MCM6: variants seen among roughly 807,000 people sequenced by gnomAD.
The protein encoded by MCM6 is DNA replication licensing factor MCM6.
A neutral mutation model predicts 94.3 loss-of-function variants in MCM6; 46 were observed. The observed-to-expected ratio is 0.49, with a 90% CI of 0.39 to 0.62. The LOEUF (loss-of-function observed/expected upper bound fraction) is 0.62, where lower values mean the gene tolerates loss of function less well. Among genes scored for constraint, MCM6 ranks in the 20% least tolerant of loss-of-function variants. The probability of loss-of-function intolerance (pLI) is 0.00; values close to 1 mark genes in which losing one functional copy is unlikely to be tolerated. For synonymous variants in MCM6, 335 were observed against 351.9 expected (o/e 0.95, Z 0.54); for missense variants, 865 against 1,017.9 (o/e 0.85, Z 2.04).
intron 3 of MCM6, among the ~76,000 whole-genome samples, 168 bp from the exon 4 acceptor site, chr2:135,869,028 C>T (rs2105590964): frequency 6.6e-6 from 1 of 152,098 alleles, no homozygotes; most frequent in South Asian, 2.1e-4. Context: ...GTGCCCAATC[C>T]TAAATTATAT....
chr2:135,876,237 C>G, intron 1 of MCM6, 22 bp downstream of exon 1: 3 of 1,566,734 alleles, frequency 1.9e-6, no homozygotes, highest in South Asian at 1.2e-5. Context: ...GCGGGCGAGG[C>G]CCGGGGCGCT....
chr2:135,843,229 G>A (rs1679606197), intron 16 of MCM6, among the ~76,000 whole-genome samples: 1 of 152,174 alleles, frequency 6.6e-6, no homozygotes, highest in South Asian at 2.1e-4. Context: ...ACTGCAAACA[G>A]GGAAGAACAA....
chr2:135,853,733 G>GA (rs55820219), intron 11 of MCM6, among the ~76,000 whole-genome samples: 67,811 of 147,692 alleles, frequency 0.46, 18,187 homozygotes, highest in Middle Eastern at 0.76. Flanking sequence ...CAGAATACTG[G>GA]AAAAAAAAAA....
intron 13 of MCM6, among the ~76,000 whole-genome samples, chr2:135,849,074 C>T (rs540082255): frequency 1.1e-4 from 17 of 152,280 alleles, no homozygotes; most frequent in African/African-American, 2.6e-4. Context: ...GGAAAGATAA[C>T]GGTATTTGTG....
chr2:135,840,723 T>C lies in MCM6; in HGVS notation c.*112A>G, dbSNP rs1488009844. ...AATTCTTGTTTCTGAAAACAAATCC[T>C]GGAAGCATCACTTCCAGAAACACTT... On this transcript the variant is annotated 3_prime_UTR_variant, in exon 17 of 17. Coordinates refer to ENST00000264156, the MANE Select transcript of MCM6 (RefSeq NM_005915.6). 5.7e-6 allele frequency: 4 copies of C among 706,192 alleles called. No individual in the cohort carries two copies. Among genetic ancestry groups the C allele is most frequent in the Non-Finnish European group, 9.9e-6 (4 of 402,726 alleles). The allele number at this position is 706,192 out of a possible 1,614,324, so 43.7% of individuals were successfully genotyped here. A position where few individuals can be genotyped will look rare whatever the true frequency, so the allele number is the denominator to read the frequency against.
At chr2:135,876,090 C>T (rs549383979) in intron 1 of MCM6, among the ~76,000 whole-genome samples, 169 bp downstream of exon 1, 3 of 152,322 alleles carry the variant, frequency 2.0e-5, no homozygotes, top group South Asian at 2.1e-4. Flanking sequence ...CTGTCCCAGG[C>T]TCCTCGCGGC....
chr2:135,866,356 C>A, intron 5 of MCM6, 79 bp from the exon 6 acceptor site: 2 of 1,543,170 alleles, frequency 1.3e-6, no homozygotes, highest in Non-Finnish European at 1.8e-6. Flanking sequence ...TAAATGAAAG[C>A]TATAAATCCA....
At chr2:135,845,369 G>A (rs1558753816) in intron 15 of MCM6, among the ~76,000 whole-genome samples, 1 of 152,166 alleles carries the variant, frequency 6.6e-6, no homozygotes, top group Non-Finnish European at 1.5e-5. Context: ...GGGAGAAAGA[G>A]AATAATGACA....
chr2:135,872,887 A>T, intron 1 of MCM6, 44 bp from the exon 2 acceptor site: 1 of 1,602,840 alleles, frequency 6.2e-7, no homozygotes, highest in Non-Finnish European at 8.5e-7. Flanking sequence ...CACAGGCAGT[A>T]CAAAGAACCT....
rs4988157 is a variant in MCM6 at position 135,872,452 on chromosome 2, AAAAC to A, written c.254+241_254+244del. 8.4e-3 allele frequency among the ~76,000 whole-genome samples: 1,280 copies of A among 151,596 alleles called. 7 individuals are homozygous for A. Among genetic ancestry groups the A allele is most frequent in the South Asian group, 0.022 (107 of 4,796 alleles). ...GTGACAGAGCAAGACTCCGTCTCAA[AAAAC>A]AAACAAACAAACAAACAAACAAAAC... On this transcript the variant is annotated intron_variant, in intron 2 of 16. Transcript: ENST00000264156.
At chr2:135,863,723 T>TAACAAAACAAAACAAAACAAAACAA (rs55711144) in intron 7 of MCM6, among the ~76,000 whole-genome samples, 63 of 147,154 alleles carry the variant, frequency 4.3e-4, no homozygotes, top group South Asian at 3.7e-3. Context: ...AGTAAGACCC[T>TAACAAAACAAAACAAAACAAAACAA]AACAAAACAA....
Position 135,858,072 on chromosome 2 carries a change from C to A in MCM6, c.1363-68G>T, listed in dbSNP as rs1189836801. ...TGGATGCATGGCTCACACTTGTAATCCCAGCACTTTGGGAGGCCAAGGCAG... is the reference window on the plus strand; with the variant it reads ...TGGATGCATGGCTCACACTTGTAATACCAGCACTTTGGGAGGCCAAGGCAG... On this transcript the variant is annotated intron_variant, in intron 9 of 16. Transcript: ENST00000264156. 23 of 1,445,446 alleles carry A rather than the reference C, an allele frequency of 1.6e-5. No individual in the cohort carries two copies. The East Asian group carries it at 4.3e-4, about 27-fold the overall frequency. 89.5% of individuals were successfully genotyped at this position (1,445,446 alleles called of 1,614,324 possible). A position where few individuals can be genotyped will look rare whatever the true frequency, so the allele number is the denominator to read the frequency against.
intron 16 of MCM6, among the ~76,000 whole-genome samples, chr2:135,842,943 A>G (rs1679600668): frequency 6.6e-6 from 1 of 152,194 alleles, no homozygotes; most frequent in Non-Finnish European, 1.5e-5. Context: ...GGGTAGTAAA[A>G]TAATCTGATT....
In MCM6 at chr2:135,840,797, C is replaced by CCA. The variant is rs749609682; in HGVS notation, c.*36_*37dup. On this transcript the variant is annotated 3_prime_UTR_variant, in exon 17 of 17. Coordinates refer to ENST00000264156, the MANE Select transcript of MCM6 (RefSeq NM_005915.6). ...AGGCTCCAGGCCACGAGGTGCTGTG[C>CCA]CACAGTTCCTCAGCTCTGGTCAGTT... 1 of 1,433,680 alleles carries CCA rather than the reference C, an allele frequency of 7.0e-7. No individual in the cohort carries two copies. Among genetic ancestry groups the CCA allele is most frequent in the Non-Finnish European group, 9.8e-7 (1 of 1,016,152 alleles). The allele number at this position is 1,433,680 out of a possible 1,614,324, so 88.8% of individuals were successfully genotyped here.
intron 2 of MCM6, 27 bp from the exon 3 acceptor site, chr2:135,870,388 C>T (rs1301852539): frequency 1.3e-6 from 2 of 1,529,570 alleles, no homozygotes; most frequent in Admixed American, 1.7e-5. Flanking sequence ...TCAGCTGATA[C>T]CTTAGAGGTT....
rs1575370859 is a variant in MCM6 at position 135,876,430 on chromosome 2, C to T, written c.-65G>A. On this transcript the variant is annotated 5_prime_UTR_variant, in exon 1 of 17. Transcript: ENST00000264156. ...CCGCCACAAGTCGCTTTTTTCCAGA[C>T]GCTGCAGCTTTGCGCGCGCCGCCGC... is the stretch of plus-strand genomic sequence containing the variant. 2 of 1,396,942 alleles carry T rather than the reference C, an allele frequency of 1.4e-6. No individual in the cohort carries two copies. The highest frequency in any genetic ancestry group is 3.6e-4 in the Middle Eastern group (2 of 5,484). The allele number at this position is 1,396,942 out of a possible 1,614,324, so 86.5% of individuals were successfully genotyped here. A position where few individuals can be genotyped will look rare whatever the true frequency, so the allele number is the denominator to read the frequency against.
intron 11 of MCM6, among the ~76,000 whole-genome samples, chr2:135,853,258 G>A (rs1388676242): frequency 6.6e-6 from 1 of 152,076 alleles, no homozygotes; most frequent in African/African-American, 2.4e-5. Context: ...ACCAGTCAGG[G>A]CGACAAACTG....
chr2:135,857,338 C>A (rs1679910465), intron 10 of MCM6, among the ~76,000 whole-genome samples: 1 of 152,160 alleles, frequency 6.6e-6, no homozygotes, highest in South Asian at 2.1e-4. Context: ...TGCTTATGTA[C>A]AAAATATTCC....
At chr2:135,846,465 C>T (rs1161975604) in intron 14 of MCM6, 73 bp from the exon 15 acceptor site, 3 of 1,150,646 alleles carry the variant, frequency 2.6e-6, no homozygotes, top group Non-Finnish European at 3.9e-6. Context: ...TTTACAAATA[C>T]ACTACTTACA....
Sources: gnomAD v4.1 joint callset for allele counts (sites outside exome capture counted in the v4.1 genomes callset) on GRCh38, gnomAD v4.1.1 for gene constraint, MANE v1.5 for transcripts, NCBI Gene and HGNC (gene_info 2026-07-23, HGNC 2026-07-21) for gene names.